The following ZNF568 variants were observed in gnomAD, a reference collection of about 807,000 sequenced individuals.
The protein encoded by ZNF568 is zinc finger protein 568.
In ZNF568, 11 loss-of-function variants were observed where a neutral mutation model predicts 18.1. The ratio of observed to expected loss-of-function variants is 0.61; its 90% CI spans 0.38 to 1.00. ZNF568 has a LOEUF of 1.00. Among genes scored for constraint, ZNF568 ranks in the 50% least tolerant of loss-of-function variants. The pLI is 0.01. For missense variants in ZNF568, 639 were observed against 768.2 expected, an observed-to-expected ratio of 0.83 and a Z score of 1.99; for synonymous variants, 213 against 246.6, an observed-to-expected ratio of 0.86 and a Z score of 1.28.
chr19:36,933,144 CTT>C (rs371143411), intron 4 of ZNF568, among the ~76,000 whole-genome samples: 1 of 134,846 alleles, frequency 7.4e-6, no homozygotes, highest in Non-Finnish European at 1.6e-5. Flanking sequence ...ATTCTGAGAC[CTT>C]TTTTTTTTTT....
chr19:36,958,137 G>T (rs2146320388), intron 6 of ZNF568, among the ~76,000 whole-genome samples: 1 of 152,198 alleles, frequency 6.6e-6, no homozygotes, highest in East Asian at 1.9e-4. Context: ...CTTGATTGTG[G>T]TGTATAATTC....
chr19:36,959,248 C>A (rs569921408), intron 6 of ZNF568, among the ~76,000 whole-genome samples: 60 of 152,192 alleles, frequency 3.9e-4, no homozygotes, highest in African/African-American at 1.4e-3. Context: ...TTATCAGATG[C>A]TTTTTCTGCA....
Position 36,950,951 on chromosome 19 carries a change from T to C in ZNF568, c.1798T>C (p.Leu600=). 1 of 1,613,496 alleles carries C rather than the reference T, an allele frequency of 6.2e-7. No homozygotes were observed. Among genetic ancestry groups the C allele is most frequent in the Non-Finnish European group, 8.5e-7 (1 of 1,179,838 alleles). The change falls in exon 7 of 7, where the codon TTA becomes CTA. Residue 600 remains leucine, a synonymous_variant. Coordinates refer to ENST00000333987, the MANE Select transcript of ZNF568 (RefSeq NM_198539.4). ...KCGKAFSQCS[L]LIIHMRSHTG... ...TGGGAAAGCCTTTTCTCAGTGCTCATTACTTATTATACATATGAGAAGTCA... is the reference window on the plus strand; with the variant it reads ...TGGGAAAGCCTTTTCTCAGTGCTCACTACTTATTATACATATGAGAAGTCA...
chr19:36,934,740 G>A (rs1052407772), intron 4 of ZNF568, among the ~76,000 whole-genome samples: 5 of 152,100 alleles, frequency 3.3e-5, no homozygotes, highest in African/African-American at 1.2e-4. Context: ...GTTTTGGTAT[G>A]TTGCACCCTC....
At chr19:36,986,051 A>G (rs2074373768) in intron 2 of ZNF568, among the ~76,000 whole-genome samples, 2 of 152,228 alleles carry the variant, frequency 1.3e-5, no homozygotes, top group South Asian at 2.1e-4. Context: ...GAGCCCTGCC[A>G]AACCAGGACC....
intron 7 of ZNF568, among the ~76,000 whole-genome samples, chr19:36,975,358 A>C (rs994292698): frequency 7.3e-5 from 11 of 150,766 alleles, no homozygotes; most frequent in Non-Finnish European, 1.3e-4. Context: ...TGTGTTGGCC[A>C]GGATGGTCTC....
At chr19:36,925,498 G>A (rs2073536531) in intron 4 of ZNF568, among the ~76,000 whole-genome samples, 1 of 152,080 alleles carries the variant, frequency 6.6e-6, no homozygotes, top group African/African-American at 2.4e-5. Context: ...AGCAAACTGG[G>A]ACACTTAAGT....
At chr19:36,961,461 T>A (rs528364916) in intron 6 of ZNF568, among the ~76,000 whole-genome samples, 13 of 150,464 alleles carry the variant, frequency 8.6e-5, no homozygotes, top group Admixed American at 3.3e-4. Flanking sequence ...GGGATCTTTT[T>A]AAAAAAAAAA....
chr19:36,992,738 A>G (rs2074437092), intron 4 of ZNF568, among the ~76,000 whole-genome samples: 1 of 152,200 alleles, frequency 6.6e-6, no homozygotes, highest in African/African-American at 2.4e-5. Flanking sequence ...CACAACCATC[A>G]CAACAGTCTA....
In ZNF568 at chr19:36,950,609, A is replaced by T; in HGVS notation, c.1456A>T (p.Met486Leu). Residue 486 changes from methionine to leucine, a missense_variant, in exon 7 of 7, where the codon ATG becomes TTG. Coordinates refer to ENST00000333987, the MANE Select transcript of ZNF568 (RefSeq NM_198539.4). Reference sequence around the variant, plus strand: ...TGAATGTGGGAAAGCTTTTATTCAGATGTCAAACCTCATTCGACACCAGAG... The same window carrying T: ...TGAATGTGGGAAAGCTTTTATTCAGTTGTCAAACCTCATTCGACACCAGAG... ...CSECGKAFIQ[M>L]SNLIRHQRIH... 1 of 1,613,964 alleles carries T rather than the reference A, an allele frequency of 6.2e-7. No homozygotes were observed. Among genetic ancestry groups the T allele is most frequent in the South Asian group, 1.1e-5 (1 of 91,070 alleles).
rs766675905 is a variant in ZNF568 at position 36,950,240 on chromosome 19, G to T, written c.1087G>T (p.Ala363Ser). 2 of 1,613,882 alleles carry T rather than the reference G, an allele frequency of 1.2e-6. No homozygotes were observed. The highest frequency in any genetic ancestry group is 1.1e-5 in the South Asian group (1 of 91,076). Residue 363 changes from alanine (A) to serine (S), a missense_variant, in exon 7 of 7, where the codon GCA becomes TCA. Transcript: ENST00000333987. ...EKIHTGEKPY[A>S]CNECGRAFSR... is the part of the protein sequence containing the mutation. ...AATTCATACTGGGGAGAAACCTTAT[G>T]CATGTAATGAATGTGGTAGAGCTTT...
chr19:36,959,801 G>A (rs1000004322), intron 6 of ZNF568, among the ~76,000 whole-genome samples: 16 of 152,090 alleles, frequency 1.1e-4, no homozygotes, highest in African/African-American at 2.4e-4. Flanking sequence ...ATAGCTGCTC[G>A]TAAGTCTCTG....
chr19:36,972,695 G>C (rs2074245739), intron 6 of ZNF568, among the ~76,000 whole-genome samples: 1 of 152,242 alleles, frequency 6.6e-6, no homozygotes, highest in Admixed American at 6.5e-5. Context: ...GGCGTGGCCG[G>C]GAGTCGCCCT....
chr19:36,965,325 C>T (rs1448544314), intron 6 of ZNF568, among the ~76,000 whole-genome samples: 2 of 152,016 alleles, frequency 1.3e-5, no homozygotes, highest in Non-Finnish European at 2.9e-5. Flanking sequence ...TAAATATGGC[C>T]AGTGAGATAC....
chr19:36,991,873 A>G, intron 4 of ZNF568: 1 of 1,521,684 alleles, frequency 6.6e-7, no homozygotes, highest in Non-Finnish European at 8.8e-7. Flanking sequence ...TGGAATGGGG[A>G]GGCCATAGCA....
At chr19:36,928,158 T>C (rs2073617068) in intron 4 of ZNF568, among the ~76,000 whole-genome samples, 1 of 151,320 alleles carries the variant, frequency 6.6e-6, no homozygotes, top group Admixed American at 6.6e-5. Flanking sequence ...CCTCAAGTGA[T>C]CCACCTGCCT....
intron 2 of ZNF568, 37 bp downstream of exon 2, chr19:36,917,685 A>G (rs2073368431): frequency 6.6e-6 from 1 of 152,234 alleles, no homozygotes; most frequent in South Asian, 2.1e-4. Flanking sequence ...ATGATTGCTC[A>G]TAAAAAATGT....
chr19:36,919,350 A>G (rs1396056799), intron 2 of ZNF568, among the ~76,000 whole-genome samples: 1 of 152,198 alleles, frequency 6.6e-6, no homozygotes, highest in African/African-American at 2.4e-5. Context: ...TGGACTATAT[A>G]CATACATGAC....
intron 6 of ZNF568, among the ~76,000 whole-genome samples, chr19:36,960,426 T>G (rs1272310448): frequency 6.6e-6 from 1 of 152,200 alleles, no homozygotes; most frequent in Non-Finnish European, 1.5e-5. Context: ...CTAACTTTTT[T>G]GATTGCATTC....
Sources: gnomAD v4.1 joint callset for allele counts (sites outside exome capture counted in the v4.1 genomes callset) on GRCh38, gnomAD v4.1.1 for gene constraint, MANE v1.5 for transcripts, NCBI Gene and HGNC (gene_info 2026-07-23, HGNC 2026-07-21) for gene names.